FBXL13: variants seen among roughly 807,000 people sequenced by gnomAD.
FBXL13 encodes the protein F-box and leucine-rich repeat protein 13.
A neutral mutation model predicts 83.6 loss-of-function variants in FBXL13; 67 were observed. The ratio of observed to expected loss-of-function variants is 0.80; its 90% CI spans 0.66 to 0.98. The LOEUF is 0.98. FBXL13 is among the 50% of genes least tolerant of loss of function. The probability of loss-of-function intolerance (pLI) is 0.00; values close to 1 mark genes in which losing one functional copy is unlikely to be tolerated. For missense variants in FBXL13, 822 were observed against 866.5 expected (o/e 0.95, Z 0.64); for synonymous variants, 272 against 299.5 (o/e 0.91, Z 0.95).
rs114539193 is a variant in FBXL13 at position 102,882,626 on chromosome 7, C to G, written c.1388+679G>C. On this transcript the variant is annotated intron_variant, in intron 14 of 19. Coordinates refer to ENST00000313221, the Ensembl canonical transcript of FBXL13. ...AAAATACAAAAATTAGTCAGGTGGG[C>G]TGGCACACACCTGTAATCTCAGCTA... is the stretch of plus-strand genomic sequence containing the variant. Among the ~76,000 whole-genome samples the G allele has an allele frequency of 3.8e-3, 576 of 152,066 alleles. 5 individuals carry two copies. Among genetic ancestry groups the G allele is most frequent in the African/African-American group, 0.014 (569 of 41,482 alleles).
chr7:102,893,698 G>A (rs1192678370), intron 11 of FBXL13, among the ~76,000 whole-genome samples: 21 of 149,424 alleles, frequency 1.4e-4, no homozygotes, highest in Admixed American at 1.2e-3. Flanking sequence ...AACCTGGGAG[G>A]TGGAGCTTGC....
chr7:102,895,764 C>T (rs796812440), intron 11 of FBXL13, among the ~76,000 whole-genome samples: 8 of 152,308 alleles, frequency 5.3e-5, no homozygotes, highest in African/African-American at 1.9e-4. Flanking sequence ...TCCCAATTGG[C>T]ACTTTCTCAT....
intron 8 of FBXL13, among the ~76,000 whole-genome samples, chr7:102,957,262 G>A (rs1284253523): frequency 4.6e-5 from 7 of 152,020 alleles, no homozygotes; most frequent in East Asian, 1.9e-4. Flanking sequence ...TTTGACAAAC[G>A]TGACGAAAAC....
chr7:102,979,310 T>C (rs551433032), intron 6 of FBXL13, among the ~76,000 whole-genome samples: 21 of 152,314 alleles, frequency 1.4e-4, no homozygotes, highest in Non-Finnish European at 2.1e-4. Context: ...AAGCTGGAGA[T>C]GCTAGGGCTT....
chr7:102,956,378 G>T (rs1283037385), intron 8 of FBXL13, among the ~76,000 whole-genome samples: 1 of 152,026 alleles, frequency 6.6e-6, no homozygotes, highest in African/African-American at 2.4e-5. Flanking sequence ...TTGATGGAAC[G>T]TATCTCAAAA....
intron 6 of FBXL13, among the ~76,000 whole-genome samples, chr7:102,996,255 A>G (rs1283132479): frequency 6.6e-6 from 1 of 152,192 alleles, no homozygotes; most frequent in Non-Finnish European, 1.5e-5. Context: ...GGATCCCATT[A>G]TGAAATGATT....
intron 16 of FBXL13, among the ~76,000 whole-genome samples, chr7:102,873,738 T>A (rs966873595): frequency 1.3e-5 from 2 of 152,172 alleles, no homozygotes; most frequent in Admixed American, 6.6e-5. Context: ...TCAAACATCA[T>A]CTCTCACCAT....
At chr7:102,882,150 A>G (rs1359232031) in intron 14 of FBXL13, among the ~76,000 whole-genome samples, 1 of 152,186 alleles carries the variant, frequency 6.6e-6, no homozygotes, top group East Asian at 1.9e-4. Flanking sequence ...AGTTCTAGCT[A>G]CTTGGGAGGC....
chr7:102,934,491 A>G, intron 8 of FBXL13: 2 of 1,614,160 alleles, frequency 1.2e-6, no homozygotes, highest in Non-Finnish European at 1.7e-6. Flanking sequence ...GCCAAGTGTG[A>G]AAGTCCACAA....
At chr7:102,869,490 C>T (rs574140048) in intron 16 of FBXL13, among the ~76,000 whole-genome samples, 3 of 146,400 alleles carry the variant, frequency 2.0e-5, no homozygotes, top group East Asian at 4.6e-4. Flanking sequence ...TAATACCATT[C>T]GTGCATTTTT....
chr7:103,062,607 A>G (rs1311073385), intron 1 of FBXL13, among the ~76,000 whole-genome samples: 1 of 152,164 alleles, frequency 6.6e-6, no homozygotes, highest in East Asian at 1.9e-4. Flanking sequence ...CTTAAAAAAA[A>G]AAAAACCTCT....
In FBXL13 at chr7:102,959,987, T is replaced by C. The variant is rs75913264; in HGVS notation, c.724+3546A>G. 1.1e-4 allele frequency among the ~76,000 whole-genome samples: 16 copies of C among 152,244 alleles called. No individual in the cohort carries two copies. The East Asian group carries it at 3.1e-3, about 29-fold the overall frequency. ...GTAAAGTTGTGTATTTTTAATCACA[T>C]ATATAGAAATGTATTTTAGAAAAAC... On this transcript the variant is annotated intron_variant, in intron 8 of 19. Coordinates refer to ENST00000313221, the Ensembl canonical transcript of FBXL13.
At chr7:103,074,095 T>C (rs1799359408) in intron 1 of FBXL13, among the ~76,000 whole-genome samples, 2 of 152,310 alleles carry the variant, frequency 1.3e-5, no homozygotes, top group Admixed American at 6.5e-5. Context: ...AGGGCAGTCC[T>C]TCCTGTTGTC....
intron 8 of FBXL13, among the ~76,000 whole-genome samples, chr7:102,945,799 T>C (rs1234524036): frequency 6.6e-6 from 1 of 152,202 alleles, no homozygotes; most frequent in Non-Finnish European, 1.5e-5. Context: ...AAGGTATTCC[T>C]ACAAAGTTTA....
chr7:103,063,733 T>C (rs1798138219), intron 1 of FBXL13, among the ~76,000 whole-genome samples: 2 of 146,504 alleles, frequency 1.4e-5, no homozygotes, highest in East Asian at 2.0e-4. Flanking sequence ...TTTTTTTTTT[T>C]CTGTAGAGAC....
chr7:102,978,286 C>G (rs976412867), intron 6 of FBXL13: 3 of 152,124 alleles, frequency 2.0e-5, no homozygotes, highest in African/African-American at 4.8e-5. Flanking sequence ...GAAAGTCACC[C>G]TTTTTCCCTT....
intron 5 of FBXL13, among the ~76,000 whole-genome samples, 172 bp downstream of exon 6, chr7:103,027,277 C>T (rs1468308484): frequency 1.3e-5 from 2 of 151,892 alleles, no homozygotes; most frequent in Non-Finnish European, 2.9e-5. Flanking sequence ...GCCTGGACAA[C>T]AAGAGCAAAA....
At chr7:103,016,924 G>T (rs1456918393) in intron 6 of FBXL13, among the ~76,000 whole-genome samples, 1 of 152,244 alleles carries the variant, frequency 6.6e-6, no homozygotes, top group Non-Finnish European at 1.5e-5. Flanking sequence ...ACAAAAGGCA[G>T]CAGAAACCTC....
intron 1 of FBXL13, among the ~76,000 whole-genome samples, chr7:103,065,251 A>C (rs1252406076): frequency 6.6e-6 from 1 of 152,238 alleles, no homozygotes; most frequent in Non-Finnish European, 1.5e-5. Flanking sequence ...TATAGGGAAC[A>C]CTTATGTACC....
Sources: gnomAD v4.1 joint callset for allele counts (sites outside exome capture counted in the v4.1 genomes callset) on GRCh38, gnomAD v4.1.1 for gene constraint, MANE v1.5 for transcripts, NCBI Gene and HGNC (gene_info 2026-07-23, HGNC 2026-07-21) for gene names.